PPP1R12B: variants seen among roughly 807,000 people sequenced by gnomAD.
PPP1R12B encodes myosin phosphatase target subunit 2.
Under a neutral mutation model 126.1 loss-of-function variants are expected in PPP1R12B, and 76 were observed. That is an observed-to-expected ratio of 0.60 (90% CI 0.50 to 0.73). The LOEUF (loss-of-function observed/expected upper bound fraction) is 0.73, where lower values mean the gene tolerates loss of function less well. Ranked by LOEUF, PPP1R12B falls within the 30% of genes least tolerant of loss-of-function variation. The pLI, the probability that PPP1R12B is intolerant of heterozygous loss-of-function variation, is 0.00. For synonymous variants in PPP1R12B, 356 were observed against 434.7 expected, an observed-to-expected ratio of 0.82 and a Z score of 2.25; for missense variants, 1,052 against 1,205.1, an observed-to-expected ratio of 0.87 and a Z score of 1.88.
At chr1:202,422,131 TA>T (rs1317675559) in intron 2 of PPP1R12B, among the ~76,000 whole-genome samples, 1 of 152,236 alleles carries the variant, frequency 6.6e-6, no homozygotes, top group Non-Finnish European at 1.5e-5. Flanking sequence ...TATTTCTTCT[TA>T]AGTAATTTAG....
Position 202,588,596 on chromosome 1 carries a change from G to A in PPP1R12B, c.*8036G>A, listed in dbSNP as rs1287543191. ...GACTGTCTCCACAGTTCAGAGCATG[G>A]GATTTCTAGAATCTCACATCTGGGG... On this transcript the variant is annotated 3_prime_UTR_variant, in exon 24 of 24. Transcript: ENST00000608999. The A allele has an allele frequency of 6.6e-6, 1 of 152,442 alleles. No individual in the cohort carries two copies. Among genetic ancestry groups the A allele is most frequent in the Non-Finnish European group, 1.5e-5 (1 of 68,016 alleles). 9.4% of individuals were successfully genotyped at this position (152,442 alleles called of 1,614,324 possible). A position where few individuals can be genotyped will look rare whatever the true frequency, so the allele number is the denominator to read the frequency against.
At chr1:202,544,042 T>G (rs368572326) in intron 18 of PPP1R12B, among the ~76,000 whole-genome samples, 2 of 152,302 alleles carry the variant, frequency 1.3e-5, no homozygotes. Flanking sequence ...GCGGAAAAAC[T>G]TTCAGATTCA....
intron 13 of PPP1R12B, among the ~76,000 whole-genome samples, chr1:202,451,722 G>C (rs1446192054): frequency 1.3e-5 from 2 of 151,786 alleles, no homozygotes; most frequent in African/African-American, 4.8e-5. Context: ...GGGCAGAGGG[G>C]CTCCTCACTT....
rs1671026552 is a variant in PPP1R12B, at chr1:202,437,765, G to A, written c.1255-56G>A. The A allele has an allele frequency of 4.0e-6, 6 of 1,487,970 alleles. No individual in the cohort carries two copies. The Admixed American group carries it at 1.0e-4, about 25-fold the overall frequency. The allele number at this position is 1,487,970 out of a possible 1,614,324, so 92.2% of individuals were successfully genotyped here. A position where few individuals can be genotyped will look rare whatever the true frequency, so the allele number is the denominator to read the frequency against. ...TAAGTGTGGAAAAGGCAAATAGGCTGAGAAAGAATCATCAGAGCCTTTATT... is the reference window on the plus strand; with the variant it reads ...TAAGTGTGGAAAAGGCAAATAGGCTAAGAAAGAATCATCAGAGCCTTTATT... On this transcript the variant is annotated intron_variant, in intron 9 of 23. Coordinates refer to ENST00000608999, the MANE Select transcript of PPP1R12B (RefSeq NM_002481.4).
At chr1:202,549,256 C>A (rs1343478190) in intron 18 of PPP1R12B, among the ~76,000 whole-genome samples, 1 of 152,134 alleles carries the variant, frequency 6.6e-6, no homozygotes, top group African/African-American at 2.4e-5. Context: ...TTCATGACCA[C>A]CCAGTTTCAG....
chr1:202,409,816 G>T (rs1667158188), intron 1 of PPP1R12B, among the ~76,000 whole-genome samples: 2 of 151,914 alleles, frequency 1.3e-5, no homozygotes, highest in South Asian at 4.1e-4. Context: ...GGCCTATTTT[G>T]TTTTTTTGAT....
intron 13 of PPP1R12B, among the ~76,000 whole-genome samples, chr1:202,469,692 G>GA (rs1047772337): frequency 1.9e-4 from 29 of 149,972 alleles, no homozygotes; most frequent in African/African-American, 6.1e-4. Flanking sequence ...ACTCAAAAAA[G>GA]AAAAAAAAAT....
At chr1:202,506,524 A>G (rs1680818925) in intron 18 of PPP1R12B, among the ~76,000 whole-genome samples, 3 of 152,224 alleles carry the variant, frequency 2.0e-5, no homozygotes, top group Non-Finnish European at 4.4e-5. Context: ...GATAGAATAA[A>G]TTGATCTTTG....
At chr1:202,364,665 C>T (rs907454954) in intron 1 of PPP1R12B, among the ~76,000 whole-genome samples, 12 of 152,126 alleles carry the variant, frequency 7.9e-5, no homozygotes, top group Admixed American at 7.2e-4. Flanking sequence ...CAAGCTCCGC[C>T]TCCTGGGTTC....
At chr1:202,537,418 A>T (rs913382558) in intron 18 of PPP1R12B, among the ~76,000 whole-genome samples, 1 of 152,098 alleles carries the variant, frequency 6.6e-6, no homozygotes, top group Non-Finnish European at 1.5e-5. Context: ...TTATAGTCTT[A>T]TGCAACCACC....
chr1:202,408,743 AT>A (rs1666971717), intron 1 of PPP1R12B, among the ~76,000 whole-genome samples: 1 of 151,870 alleles, frequency 6.6e-6, no homozygotes, highest in Non-Finnish European at 1.5e-5. Flanking sequence ...GGGCTCTTCA[AT>A]TGCTTCCACA....
At chr1:202,507,810 C>T (rs1318947050) in intron 18 of PPP1R12B, among the ~76,000 whole-genome samples, 2 of 152,168 alleles carry the variant, frequency 1.3e-5, no homozygotes, top group African/African-American at 4.8e-5. Context: ...CTAAGAGTTA[C>T]CTCGGTTACA....
chr1:202,570,143 A>G (rs1409746372), intron 23 of PPP1R12B, among the ~76,000 whole-genome samples: 1 of 152,214 alleles, frequency 6.6e-6, no homozygotes, highest in Non-Finnish European at 1.5e-5. Context: ...CATGATGCCA[A>G]GCATTCATTT....
intron 13 of PPP1R12B, among the ~76,000 whole-genome samples, chr1:202,458,764 C>G (rs1343145236): frequency 6.6e-6 from 1 of 152,208 alleles, no homozygotes; most frequent in Non-Finnish European, 1.5e-5. Context: ...GCAGCTTTCT[C>G]TGTAATCAGC....
intron 1 of PPP1R12B, among the ~76,000 whole-genome samples, chr1:202,371,858 C>CTTTTTTTTTTTTTT (rs1193939057): frequency 9.3e-5 from 7 of 75,352 alleles, no homozygotes; most frequent in Non-Finnish European, 1.7e-4. Context: ...ATTATAGTTT[C>CTTTTTTTTTTTTTT]TTTTTTTTTT....
At chr1:202,456,278 AAAG>A (rs1673627567) in intron 13 of PPP1R12B, among the ~76,000 whole-genome samples, 1 of 149,360 alleles carries the variant, frequency 6.7e-6, no homozygotes, top group Non-Finnish European at 1.5e-5. Context: ...CAAAAAAAAA[AAAG>A]AAAGAAAGAA....
rs565750582 is a variant in PPP1R12B at position 202,588,898 on chromosome 1, C to G, written c.*8338C>G. 14 of 151,320 alleles carry G rather than the reference C, an allele frequency of 9.3e-5. No individual in the cohort carries two copies. The highest frequency in any genetic ancestry group is 7.2e-4 in the Admixed American group (11 of 15,196). 9.4% of individuals were successfully genotyped at this position (151,320 alleles called of 1,614,324 possible). A position where few individuals can be genotyped will look rare whatever the true frequency, so the allele number is the denominator to read the frequency against. On this transcript the variant is annotated 3_prime_UTR_variant, in exon 24 of 24. Coordinates refer to ENST00000608999, the MANE Select transcript of PPP1R12B (RefSeq NM_002481.4). The stretch of plus-strand genomic sequence containing the variant: ...ATCAAGGTTCCAAGCTTCAAGTAAC[C>G]AAGAGTATATACGGTTATTTCTTGG...
intron 10 of PPP1R12B, chr1:202,438,812 C>CT (rs1671198415): frequency 3.6e-6 from 3 of 834,650 alleles, no homozygotes; most frequent in South Asian, 1.3e-5. Flanking sequence ...ATCTTAGTGT[C>CT]TAACTCACGG....
chr1:202,435,690 T>C (rs576773476), intron 9 of PPP1R12B, among the ~76,000 whole-genome samples: 22 of 152,306 alleles, frequency 1.4e-4, no homozygotes, highest in African/African-American at 4.1e-4. Flanking sequence ...TTGAGTTCTT[T>C]GGAATGAAGC....
Sources: gnomAD v4.1 joint callset for allele counts (sites outside exome capture counted in the v4.1 genomes callset) on GRCh38, gnomAD v4.1.1 for gene constraint, MANE v1.5 for transcripts, NCBI Gene and HGNC (gene_info 2026-07-23, HGNC 2026-07-21) for gene names.